Variants in SFI1 observed in about 807,000 individuals in gnomAD.
SFI1 encodes protein SFI1 homolog.
Under a neutral mutation model 207.5 loss-of-function variants are expected in SFI1, and 195 were observed. The ratio of observed to expected loss-of-function variants is 0.94; its 90% confidence interval spans 0.84 to 1.06. The LOEUF (loss-of-function observed/expected upper bound fraction) is 1.06, where lower values mean the gene tolerates loss of function less well. SFI1 is among the 50% of genes least tolerant of loss of function. SFI1 has a pLI of 0.00. For synonymous variants in SFI1, 630 were observed against 598.9 expected (o/e 1.05, Z -0.76); for missense variants, 1,634 against 1,588.0 (o/e 1.03, Z -0.49).
chr22:31,511,537 C>G (rs5749291), intron 2 of SFI1, among the ~76,000 whole-genome samples: 31,961 of 149,230 alleles, frequency 0.21, 4,385 homozygotes, highest in East Asian at 0.43. Context: ...GCGCGATCTC[C>G]GCTCACTGCA....
chr22:31,505,043 C>T (rs1041216305), intron 1 of SFI1, among the ~76,000 whole-genome samples: 2 of 152,014 alleles, frequency 1.3e-5, no homozygotes, highest in African/African-American at 4.8e-5. Flanking sequence ...CTATTCCTGG[C>T]ACTAAAAGAA....
At chr22:31,590,105 G>A (rs2065642450) in intron 15 of SFI1, among the ~76,000 whole-genome samples, 1 of 151,554 alleles carries the variant, frequency 6.6e-6, no homozygotes, top group Non-Finnish European at 1.5e-5. Flanking sequence ...AGCAAAAGGG[G>A]CAGATTCTTT....
intron 12 of SFI1, among the ~76,000 whole-genome samples, chr22:31,582,046 T>A (rs183705700): frequency 6.6e-6 from 1 of 151,112 alleles, no homozygotes; most frequent in East Asian, 2.0e-4. Context: ...AAATGTCTTA[T>A]TTGTAGCTGC....
intron 4 of SFI1, among the ~76,000 whole-genome samples, chr22:31,543,002 C>A (rs189115795): frequency 1.4e-5 from 2 of 138,366 alleles, no homozygotes; most frequent in Non-Finnish European, 3.1e-5. Flanking sequence ...GACGGAGTCT[C>A]ACTCTGTCTC....
At chr22:31,556,282 G>T (rs1380738318) in intron 6 of SFI1, among the ~76,000 whole-genome samples, 1 of 150,968 alleles carries the variant, frequency 6.6e-6, no homozygotes, top group Non-Finnish European at 1.5e-5. Context: ...GAGTGCAATG[G>T]CGTGATCTCA....
rs765669240 is a variant in SFI1 at position 31,604,322 on chromosome 22, G to A, written c.1895G>A (p.Arg632Gln). The A allele has an allele frequency of 1.3e-5, 21 of 1,577,756 alleles. No individual in the cohort carries two copies. In the East Asian group the frequency reaches 1.6e-4, roughly 12 times the overall value. ...WSQWRECLALRGAERQKLMRA... is the reference protein window; with the variant it reads ...WSQWRECLALQGAERQKLMRA... ...CTCTGTCTGCAGTGCCTGGCCCTGC[G>A]GGGAGCGGAGCGGCAGAAGCTGATG... The change falls in exon 19 of 33, where the codon CGG (arginine) becomes CAG (glutamine). Residue 632 changes from arginine (R) to glutamine (Q), a missense_variant. By Grantham distance (43) the Arg-to-Gln change is conservative (BLOSUM62 1). Transcript: ENST00000400288.
chr22:31,547,076 G>T, intron 5 of SFI1, 105 bp downstream of exon 5: 1 of 833,806 alleles, frequency 1.2e-6, no homozygotes, highest in Non-Finnish European at 1.9e-6. Flanking sequence ...GGTCACTTTT[G>T]GTTTTTCTTC....
intron 7 of SFI1, among the ~76,000 whole-genome samples, chr22:31,557,656 A>C (rs903408554): frequency 1.1e-4 from 16 of 152,218 alleles, no homozygotes; most frequent in Non-Finnish European, 2.4e-4. Context: ...TTTGTAATGT[A>C]AAGTATCTTA....
chr22:31,613,302 G>C (rs573101448), intron 25 of SFI1, 52 bp from the exon 26 acceptor site: 3 of 1,605,066 alleles, frequency 1.9e-6, no homozygotes, highest in East Asian at 2.2e-5. Flanking sequence ...CCTGGTCTGT[G>C]GGGGAGCTCT....
At chr22:31,523,745 ATAC>A (rs2057552859) in intron 2 of SFI1, among the ~76,000 whole-genome samples, 1 of 151,942 alleles carries the variant, frequency 6.6e-6, no homozygotes, top group South Asian at 2.1e-4. Context: ...ACAGGGGAGG[ATAC>A]TGAGGGTAGG....
intron 11 of SFI1, among the ~76,000 whole-genome samples, chr22:31,579,097 C>T (rs1313498234): frequency 6.6e-6 from 1 of 152,092 alleles, no homozygotes; most frequent in African/African-American, 2.4e-5. Context: ...GTAGCTGGGA[C>T]TATAGGCATG....
chr22:31,505,125 A>G (rs888077675), intron 1 of SFI1, among the ~76,000 whole-genome samples: 2 of 152,194 alleles, frequency 1.3e-5, no homozygotes, highest in Non-Finnish European at 2.9e-5. Context: ...TATTTTTGAT[A>G]CAAATTATCA....
intron 25 of SFI1, 27 bp from the exon 26 acceptor site, chr22:31,613,327 G>A (rs1384440056): frequency 2.5e-6 from 4 of 1,602,962 alleles, no homozygotes; most frequent in Admixed American, 3.3e-5. Flanking sequence ...AGGGAGACCT[G>A]GGCCTCACCT....
chr22:31,549,527 G>T (rs1238436468), intron 5 of SFI1, among the ~76,000 whole-genome samples: 1 of 151,662 alleles, frequency 6.6e-6, no homozygotes, highest in Non-Finnish European at 1.5e-5. Flanking sequence ...ACTACGAGTG[G>T]CTAATTTTTA....
intron 9 of SFI1, among the ~76,000 whole-genome samples, chr22:31,574,843 G>A (rs2063306671): frequency 6.6e-6 from 1 of 152,020 alleles, no homozygotes; most frequent in Non-Finnish European, 1.5e-5. Context: ...GATCACTTGA[G>A]GTCAGGAGTT....
At chr22:31,563,140 A>G (rs2061901257) in intron 8 of SFI1, among the ~76,000 whole-genome samples, 1 of 151,432 alleles carries the variant, frequency 6.6e-6, no homozygotes. Flanking sequence ...ACTCAGACGC[A>G]TGCCGCCACG....
At chr22:31,531,257 A>G (rs964639909) in intron 4 of SFI1, 128 bp downstream of exon 4, 5 of 687,048 alleles carry the variant, frequency 7.3e-6, no homozygotes, top group Non-Finnish European at 1.2e-5. Context: ...AGTAGGTAGA[A>G]GCAGTCCCTA....
intron 2 of SFI1, among the ~76,000 whole-genome samples, chr22:31,517,958 C>A (rs1042759339): frequency 6.6e-6 from 1 of 152,090 alleles, no homozygotes; most frequent in Non-Finnish European, 1.5e-5. Flanking sequence ...GTGAAGTCCT[C>A]TCCCTCCCCA....
chr22:31,611,402 C>T (rs945474571), intron 23 of SFI1, 99 bp downstream of exon 23: 2 of 1,380,034 alleles, frequency 1.4e-6, no homozygotes, highest in Admixed American at 5.3e-5. Context: ...CCTGACAGCA[C>T]TCCATGCAGC....
Sources: allele counts gnomAD v4.1 joint callset (sites outside exome capture counted in the v4.1 genomes callset), GRCh38; gene constraint gnomAD v4.1.1; transcripts MANE v1.5; gene names NCBI Gene and HGNC (gene_info 2026-07-23, HGNC 2026-07-21).